The following C12orf76 variants were observed in gnomAD, a reference collection of about 807,000 sequenced individuals.
C12orf76 encodes chromosome 12 open reading frame 76.
In C12orf76, 6 loss-of-function variants were observed where a neutral mutation model predicts 6.8. The observed-to-expected ratio is 0.88, with a 90% CI of 0.48 to 1.73. The LOEUF is 1.73. Among genes scored for constraint, C12orf76 ranks in the 40% most tolerant of loss-of-function variants. C12orf76 has a pLI of 0.01. For missense variants in C12orf76, 99 were observed against 98.2 expected (o/e 1.01, Z -0.03); for synonymous variants, 56 against 43.7 (o/e 1.28, Z -1.11).
intron 2 of C12orf76, among the ~76,000 whole-genome samples, chr12:110,063,403 C>T (rs2137235973): frequency 6.6e-6 from 1 of 150,880 alleles, no homozygotes; most frequent in East Asian, 2.0e-4. Context: ...CCTGCCTCAG[C>T]CTCCGAGTAG....
chr12:110,055,214 C>CTTT (rs1202961460), intron 4 of C12orf76, among the ~76,000 whole-genome samples: 10 of 133,532 alleles, frequency 7.5e-5, no homozygotes, highest in African/African-American at 1.1e-4. Context: ...TGAGACGAAG[C>CTTT]TTTTTTTTTT....
At chr12:110,058,872 C>G in intron 3 of C12orf76, 5 of 1,226,058 alleles carry the variant, frequency 4.1e-6, no homozygotes, top group Non-Finnish European at 5.5e-6. Context: ...TTACCATGTG[C>G]CAACCACTCT....
upstream of C12orf76, among the ~76,000 whole-genome samples, chr12:110,069,365 G>A (rs1024682414): frequency 1.3e-5 from 2 of 151,650 alleles, no homozygotes; most frequent in Non-Finnish European, 2.9e-5. Context: ...GCCGGAACCC[G>A]GGAGGCGGAG....
At chr12:110,045,719 G>C (rs552919916) in intron 1 of C12orf76, among the ~76,000 whole-genome samples, 5 of 152,336 alleles carry the variant, frequency 3.3e-5, no homozygotes, top group Non-Finnish European at 5.9e-5. Context: ...AGCACTTTGG[G>C]AGGCCGAGAT....
upstream of C12orf76, chr12:110,050,512 G>C (rs573429448): frequency 2.2e-4 from 36 of 160,298 alleles, 1 homozygote; most frequent in South Asian, 5.9e-3. Flanking sequence ...GATAAAACAG[G>C]TTGCAGTAAA....
intron 1 of C12orf76, among the ~76,000 whole-genome samples, chr12:110,046,668 C>A (rs769923574): frequency 1.3e-5 from 2 of 152,152 alleles, no homozygotes; most frequent in Non-Finnish European, 1.5e-5. Flanking sequence ...TCTAAACACT[C>A]TCAATTTCTG....
At chr12:110,065,791 G>T in intron 2 of C12orf76, 2 of 1,613,392 alleles carry the variant, frequency 1.2e-6, no homozygotes, top group Non-Finnish European at 1.7e-6. Context: ...GCTTCCCATG[G>T]CACTGAAAAT....
chr12:110,072,787 G>A lies in C12orf76; in HGVS notation n.213+635C>T, dbSNP rs138093144. Among the ~76,000 whole-genome samples the A allele has an allele frequency of 9.1e-3, 1,380 of 151,996 alleles. 26 individuals carry two copies. The highest frequency in any genetic ancestry group is 0.031 in the African/African-American group (1,289 of 41,460). Reference sequence around the variant, plus strand: ...AAAATACAAAAATTAGCTGGGCTTGGTGGCAGGCACCTGTAATCCCAGCTT... The same window carrying A: ...AAAATACAAAAATTAGCTGGGCTTGATGGCAGGCACCTGTAATCCCAGCTT... On this transcript the variant is annotated intron_variant and non_coding_transcript_variant, in intron 1 of 1. Transcript: ENST00000548936.
At chr12:110,068,930 C>T (rs534117456), upstream of C12orf76, among the ~76,000 whole-genome samples, 1 of 152,328 alleles carries the variant, frequency 6.6e-6, no homozygotes, top group Non-Finnish European at 1.5e-5. Context: ...GTCATGGTTA[C>T]ATAAACTTAA....
At chr12:110,044,913 C>T (rs751415736) in intron 1 of C12orf76, among the ~76,000 whole-genome samples, 12 of 151,948 alleles carry the variant, frequency 7.9e-5, no homozygotes, top group African/African-American at 2.7e-4. Flanking sequence ...GCGGAGGTTG[C>T]GGTGAGCCAA....
At chr12:110,070,810 TG>T (rs1190461324), upstream of C12orf76, among the ~76,000 whole-genome samples, 1 of 152,236 alleles carries the variant, frequency 6.6e-6, no homozygotes, top group Non-Finnish European at 1.5e-5. Flanking sequence ...AGTCTTGCTC[TG>T]TCATTCAGGC....
upstream of C12orf76, chr12:110,050,112 C>T (rs1253021464): frequency 2.6e-5 from 4 of 152,194 alleles, no homozygotes; most frequent in Non-Finnish European, 5.9e-5. Flanking sequence ...CGTCCTGCTA[C>T]AAGACTAGAA....
At chr12:110,073,618 C>T (rs2137245340) in exon 1 of C12orf76, 1 of 427,082 alleles carries the variant, frequency 2.3e-6, no homozygotes, top group South Asian at 1.8e-5. Flanking sequence ...CAAGCCCCCT[C>T]CCAGTAACTG....
intron 2 of C12orf76, among the ~76,000 whole-genome samples, chr12:110,064,620 G>A: frequency 6.6e-6 from 1 of 152,158 alleles, no homozygotes; most frequent in East Asian, 1.9e-4. Flanking sequence ...AGATGCTGGG[G>A]TTTGGGGGGA....
chr12:110,063,606 A>T (rs868653626), intron 2 of C12orf76, among the ~76,000 whole-genome samples: 39 of 121,478 alleles, frequency 3.2e-4, no homozygotes, highest in South Asian at 1.0e-3. Context: ...TTTTATTTTT[A>T]TTTATTTATT....
upstream of C12orf76, among the ~76,000 whole-genome samples, chr12:110,052,065 T>G (rs1242240736): frequency 7.0e-6 from 1 of 143,682 alleles, no homozygotes; most frequent in East Asian, 2.1e-4. Context: ...GCTAATTTTT[T>G]GTATTTTTTT....
intron 1 of C12orf76, among the ~76,000 whole-genome samples, chr12:110,046,423 T>C (rs1210193227): frequency 1.3e-5 from 2 of 152,100 alleles, no homozygotes; most frequent in Non-Finnish European, 1.5e-5. Flanking sequence ...CAAAACTCCA[T>C]CTCAAAAAAA....
Position 110,042,389 on chromosome 12 carries a change from G to GCCATAA in C12orf76, c.203_204insTTATGG (p.Pro68_Ile69insTyrGly), listed in dbSNP as rs1566070717. ...TGTCTGGCTGTCACCGACGCCGAATGGGCTTGTAGACACAAAATGCCATAA... is the reference window on the plus strand; with the variant it reads ...TGTCTGGCTGTCACCGACGCCGAATGCCATAAGGCTTGTAGACACAAAATGCCATAA... On this transcript the variant is annotated inframe_insertion, in exon 2 of 2. Coordinates refer to ENST00000615315, the MANE Select transcript of C12orf76 (RefSeq NM_001389625.1). 2 of 1,614,028 alleles carry GCCATAA rather than the reference G, an allele frequency of 1.2e-6. No individual in the cohort carries two copies.
rs1892333575 is a variant in C12orf76, at chr12:110,042,279, C to T, written c.*95G>A. On this transcript the variant is annotated 3_prime_UTR_variant, in exon 2 of 2. Transcript: ENST00000615315. ...AACTGTCCAGACCAAAGGTCATTTC[C>T]AAGTAGGAAAGTTTTGGTTCCAACT... 7 of 943,838 alleles carry T rather than the reference C, an allele frequency of 7.4e-6. No homozygotes were observed. In the South Asian group the frequency reaches 8.0e-5, roughly 11 times the overall value. The allele number at this position is 943,838 out of a possible 1,614,324, so 58.5% of individuals were successfully genotyped here. A position where few individuals can be genotyped will look rare whatever the true frequency, so the allele number is the denominator to read the frequency against.
Sources: gnomAD v4.1 joint callset for allele counts (sites outside exome capture counted in the v4.1 genomes callset) on GRCh38, gnomAD v4.1.1 for gene constraint, MANE v1.5 for transcripts, NCBI Gene and HGNC (gene_info 2026-07-23, HGNC 2026-07-21) for gene names.